MEGF11: variants seen among roughly 807,000 people sequenced by gnomAD.
MEGF11 encodes the protein multiple EGF like domains 11.
A neutral mutation model predicts 146.6 loss-of-function variants in MEGF11; 126 were observed. The observed-to-expected ratio is 0.86, with a 90% CI of 0.74 to 1.00. The LOEUF (loss-of-function observed/expected upper bound fraction) is 1.00, where lower values mean the gene tolerates loss of function less well. Among genes scored for constraint, MEGF11 ranks in the 50% least tolerant of loss-of-function variants. The pLI is 0.00. For synonymous variants in MEGF11, 532 were observed against 583.4 expected (o/e 0.91, Z 1.27); for missense variants, 1,509 against 1,521.2 (o/e 0.99, Z 0.13).
chr15:66,004,968 C>T lies in MEGF11; in HGVS notation c.395-22480G>A, dbSNP rs560916233. ...CAGGCATGGTGGCACATGCCTGTAG[C>T]CCCAGCTACTTGGGAGGCTGAAGCA... On this transcript the variant is annotated intron_variant, in intron 5 of 25. Transcript: ENST00000395614. Among the ~76,000 whole-genome samples, 3 of 152,232 alleles carry T rather than the reference C, an allele frequency of 2.0e-5. No homozygotes were observed. In the East Asian group the frequency reaches 5.8e-4, roughly 29 times the overall value.
intron 1 of MEGF11, among the ~76,000 whole-genome samples, chr15:66,149,507 C>T: frequency 6.6e-6 from 1 of 152,168 alleles, no homozygotes; most frequent in Non-Finnish European, 1.5e-5. Flanking sequence ...TGGATCTCTT[C>T]AGCCTATCTT....
chr15:66,230,356 T>C (rs1280546155), intron 1 of MEGF11, among the ~76,000 whole-genome samples: 2 of 152,220 alleles, frequency 1.3e-5, no homozygotes, highest in East Asian at 1.9e-4. Flanking sequence ...GTAAGCCCTC[T>C]GGCAGCAGGG....
At chr15:66,248,015 T>C (rs1274822283) in intron 1 of MEGF11, among the ~76,000 whole-genome samples, 1 of 152,058 alleles carries the variant, frequency 6.6e-6, no homozygotes, top group Non-Finnish European at 1.5e-5. Flanking sequence ...CTAGGTCAAT[T>C]ACAATGACTT....
intron 1 of MEGF11, among the ~76,000 whole-genome samples, chr15:66,169,002 A>G (rs2090172826): frequency 6.6e-6 from 1 of 152,216 alleles, no homozygotes; most frequent in Admixed American, 6.5e-5. Flanking sequence ...AATAAAATAA[A>G]ATAAAAGTCA....
chr15:66,006,228 G>C (rs986654104), intron 5 of MEGF11, among the ~76,000 whole-genome samples: 3 of 152,150 alleles, frequency 2.0e-5, no homozygotes, highest in African/African-American at 4.8e-5. Context: ...TCAGGAGCCC[G>C]GGGCTCTGGC....
chr15:66,198,084 T>C (rs2091054886), intron 1 of MEGF11, among the ~76,000 whole-genome samples: 1 of 152,170 alleles, frequency 6.6e-6, no homozygotes, highest in Non-Finnish European at 1.5e-5. Flanking sequence ...AAACAAATAA[T>C]TGAAACAGTT....
chr15:66,107,264 C>A (rs2087137281), intron 4 of MEGF11, among the ~76,000 whole-genome samples: 1 of 152,220 alleles, frequency 6.6e-6, no homozygotes, highest in Non-Finnish European at 1.5e-5. Context: ...ATTGAAGTAG[C>A]TACTGGGAGG....
At chr15:66,183,605 G>A (rs1484485471) in intron 1 of MEGF11, among the ~76,000 whole-genome samples, 1 of 151,732 alleles carries the variant, frequency 6.6e-6, no homozygotes, top group African/African-American at 2.4e-5. Flanking sequence ...AGCTGTTCAT[G>A]ACAATGAGTT....
chr15:66,219,208 A>G (rs1053394493), intron 1 of MEGF11, among the ~76,000 whole-genome samples: 1 of 152,196 alleles, frequency 6.6e-6, no homozygotes, highest in Non-Finnish European at 1.5e-5. Context: ...GAAAGAATCA[A>G]TAAATCAGAG....
intron 13 of MEGF11, among the ~76,000 whole-genome samples, chr15:65,925,523 T>C (rs1005852741): frequency 1.3e-5 from 2 of 152,186 alleles, no homozygotes; most frequent in Non-Finnish European, 1.5e-5. Context: ...CTTACTGATA[T>C]GATCAAAGGG....
intron 5 of MEGF11, among the ~76,000 whole-genome samples, chr15:66,010,716 CCTCT>C (rs1336930742): frequency 1.3e-5 from 2 of 152,162 alleles, no homozygotes; most frequent in African/African-American, 2.4e-5. Flanking sequence ...TGATAACTTC[CCTCT>C]CTATCACTTG....
chr15:66,051,685 G>T (rs180768860), intron 5 of MEGF11, among the ~76,000 whole-genome samples: 1 of 152,192 alleles, frequency 6.6e-6, no homozygotes, highest in Non-Finnish European at 1.5e-5. Context: ...GGGCATGCTC[G>T]GTGGCTCCTT....
chr15:66,116,089 C>T (rs952656074), intron 4 of MEGF11, among the ~76,000 whole-genome samples: 8 of 152,190 alleles, frequency 5.3e-5, no homozygotes, highest in Non-Finnish European at 8.8e-5. Flanking sequence ...GCCTCCTCAC[C>T]GCCCACCTCC....
At chr15:66,062,216 C>T (rs570733650) in intron 5 of MEGF11, among the ~76,000 whole-genome samples, 1 of 152,382 alleles carries the variant, frequency 6.6e-6, no homozygotes, top group South Asian at 2.1e-4. Context: ...GGGTGGCCCC[C>T]ATGTTTGTCC....
chr15:65,944,890 ACT>A (rs1298525926), intron 10 of MEGF11, among the ~76,000 whole-genome samples: 2 of 145,230 alleles, frequency 1.4e-5, no homozygotes, highest in East Asian at 4.0e-4. Context: ...ACTCATATAA[ACT>A]CTCAGGTTTT....
At chr15:66,179,460 C>T (rs1309958018) in intron 1 of MEGF11, among the ~76,000 whole-genome samples, 1 of 152,116 alleles carries the variant, frequency 6.6e-6, no homozygotes, top group Non-Finnish European at 1.5e-5. Context: ...GAACTTCTAC[C>T]ACACGTGGGA....
At chr15:65,933,903 G>T (rs1344683949) in intron 10 of MEGF11, among the ~76,000 whole-genome samples, 5 of 152,226 alleles carry the variant, frequency 3.3e-5, no homozygotes, top group African/African-American at 7.2e-5. Context: ...ATTAGTTATT[G>T]TTTGTGTAGC....
chr15:66,233,589 G>A (rs2092017486), intron 1 of MEGF11, among the ~76,000 whole-genome samples: 1 of 152,252 alleles, frequency 6.6e-6, no homozygotes, highest in South Asian at 2.1e-4. Flanking sequence ...CTAAGGCTTA[G>A]CAAGCTAAAA....
In MEGF11 at chr15:66,141,277, TGTGTGTGTGTGTGAGA is replaced by T. The variant is rs1181612913; in HGVS notation, c.-8-12882_-8-12867del. 5.8e-4 allele frequency among the ~76,000 whole-genome samples: 74 copies of T among 126,794 alleles called. 1 individual carries two copies. The East Asian group carries it at 8.1e-3, about 14-fold the overall frequency. The allele number at this position is 126,794 out of a possible 152,430, so 83.2% of individuals were successfully genotyped here. The stretch of plus-strand genomic sequence containing the variant: ...GTGTGTGTGTGTGTGTGTGTGTGTG[TGTGTGTGTGTGTGAGA>T]GAGAGAGAGAGAGAGACAGGGATAG... On this transcript the variant is annotated intron_variant, in intron 1 of 25. Transcript: ENST00000395614.
Sources: gnomAD v4.1 joint callset for allele counts (sites outside exome capture counted in the v4.1 genomes callset) on GRCh38, gnomAD v4.1.1 for gene constraint, MANE v1.5 for transcripts, NCBI Gene and HGNC (gene_info 2026-07-23, HGNC 2026-07-21) for gene names.